TTC28: variants seen among roughly 807,000 people sequenced by gnomAD.
TTC28 encodes the protein tetratricopeptide repeat domain 28.
Under a neutral mutation model 198.0 loss-of-function variants are expected in TTC28, and 61 were observed. The observed-to-expected ratio is 0.31, with a 90% CI of 0.25 to 0.38. TTC28 has a LOEUF of 0.38. Ranked by LOEUF, TTC28 falls within the 10% of genes least tolerant of loss-of-function variation. The pLI, the probability that TTC28 is intolerant of heterozygous loss-of-function variation, is 1.00. For synonymous variants in TTC28, 1,171 were observed against 1,297.8 expected, an observed-to-expected ratio of 0.90 and a Z score of 2.10; for missense variants, 2,678 against 3,164.0, an observed-to-expected ratio of 0.85 and a Z score of 3.69.
intron 13 of TTC28, among the ~76,000 whole-genome samples, chr22:28,019,375 TC>T (rs1207642345): frequency 6.6e-6 from 1 of 152,184 alleles, no homozygotes; most frequent in Non-Finnish European, 1.5e-5. Context: ...TTCCTGTGTC[TC>T]CTCTGTGTGG....
rs765447917 is a variant in TTC28, at chr22:28,632,253, CTTTTTTTTT to C, written c.103-2432_103-2424del. On this transcript the variant is annotated intron_variant, in intron 1 of 22. Transcript: ENST00000397906. ...ATATCAGTGTCCAAGTTATATTCAA[CTTTTTTTTT>C]TTTTTTTTTTTTTTTTTTTTTTGAG... 1.8e-4 allele frequency among the ~76,000 whole-genome samples: 9 copies of C among 49,698 alleles called. No individual in the cohort carries two copies. The East Asian group carries it at 4.3e-3, about 24-fold the overall frequency. 32.6% of individuals were successfully genotyped at this position (49,698 alleles called of 152,430 possible). A position where few individuals can be genotyped will look rare whatever the true frequency, so the allele number is the denominator to read the frequency against.
chr22:28,245,341 A>G (rs751118832), intron 5 of TTC28, among the ~76,000 whole-genome samples: 3 of 152,194 alleles, frequency 2.0e-5, no homozygotes, highest in Non-Finnish European at 4.4e-5. Flanking sequence ...TATTATTAAC[A>G]ATTACAATAA....
intron 6 of TTC28, among the ~76,000 whole-genome samples, chr22:28,108,767 C>T (rs1303692230): frequency 1.3e-5 from 2 of 152,072 alleles, no homozygotes; most frequent in African/African-American, 2.4e-5. Context: ...AATGAAGATC[C>T]CAATTTACTA....
At chr22:28,009,234 T>C (rs1183051050) in intron 14 of TTC28, among the ~76,000 whole-genome samples, 1 of 152,178 alleles carries the variant, frequency 6.6e-6, no homozygotes, top group Non-Finnish European at 1.5e-5. Flanking sequence ...AATCACATAC[T>C]GGTGTAAGGC....
intron 12 of TTC28, among the ~76,000 whole-genome samples, chr22:28,062,970 T>C (rs1446981874): frequency 6.6e-6 from 1 of 152,204 alleles, no homozygotes; most frequent in Non-Finnish European, 1.5e-5. Flanking sequence ...AAATTTGCAG[T>C]GTAACCTGGA....
chr22:28,494,244 T>C (rs1285082044), intron 2 of TTC28, among the ~76,000 whole-genome samples: 1 of 152,218 alleles, frequency 6.6e-6, no homozygotes, highest in Non-Finnish European at 1.5e-5. Flanking sequence ...TGTACTCCAC[T>C]CTTAAATATT....
intron 2 of TTC28, among the ~76,000 whole-genome samples, chr22:28,313,329 AG>A (rs2045298733): frequency 6.6e-6 from 1 of 152,228 alleles, no homozygotes; most frequent in African/African-American, 2.4e-5. Flanking sequence ...TCCAATCAAT[AG>A]AAAAAGAAGG....
chr22:27,995,819 G>C (rs1472811966), intron 17 of TTC28, among the ~76,000 whole-genome samples: 1 of 152,172 alleles, frequency 6.6e-6, no homozygotes. Flanking sequence ...GGGTCCTGGC[G>C]AGTACTGCTA....
chr22:27,981,957 T>TAA lies in TTC28; in HGVS notation c.*262_*263dup. On this transcript the variant is annotated 3_prime_UTR_variant, in exon 23 of 23. Transcript: ENST00000397906. ...AGATGAGAAGCAGGGAGTTCAAAGG[T>TAA]AAACAAACATTTGGTGAAGTGTGTA... 2.5e-6 allele frequency: 1 copy of TAA among 394,766 alleles called. No homozygotes were observed. Among genetic ancestry groups the TAA allele is most frequent in the Non-Finnish European group, 4.5e-6 (1 of 223,766 alleles). 24.5% of individuals were successfully genotyped at this position (394,766 alleles called of 1,614,324 possible).
At chr22:28,110,970 A>G (rs1942464964) in intron 6 of TTC28, among the ~76,000 whole-genome samples, 1 of 151,846 alleles carries the variant, frequency 6.6e-6, no homozygotes, top group African/African-American at 2.4e-5. Context: ...TTATTGACAT[A>G]GGAAGAAATT....
intron 2 of TTC28, among the ~76,000 whole-genome samples, chr22:28,408,624 C>T (rs2047034958): frequency 2.6e-5 from 4 of 152,216 alleles, no homozygotes; most frequent in African/African-American, 9.7e-5. Context: ...CTCCTGACCT[C>T]ATGATCCACC....
At chr22:28,422,723 G>A (rs996866972) in intron 2 of TTC28, among the ~76,000 whole-genome samples, 2 of 152,008 alleles carry the variant, frequency 1.3e-5, no homozygotes, top group African/African-American at 4.8e-5. Context: ...GGGATTACAG[G>A]CGTGAGCCAC....
chr22:28,380,415 CAT>C (rs1201214003), intron 2 of TTC28, among the ~76,000 whole-genome samples: 4 of 152,242 alleles, frequency 2.6e-5, no homozygotes, highest in Admixed American at 6.5e-5. Flanking sequence ...AGCTGTGACA[CAT>C]GTGACAGTGA....
rs1941973244 is a variant in TTC28 at position 28,096,384 on chromosome 22, A to G, written c.3572T>C (p.Val1191Ala). ...TGCCCTTGTCCGTCCCCTTTCTGCC[A>G]CAGCCAGGGCTTCATCATGATGGCC... is the stretch of plus-strand genomic sequence containing the variant. The part of the protein sequence containing the change: ...SLGHHDEALA[V>A]AERGRTRAFA... The change falls in exon 11 of 23, where the codon GTG (valine) becomes GCG (alanine). Residue 1191 changes from valine (V) to alanine (A), a missense_variant. Physicochemically the swap from Val to Ala is moderately conservative, Grantham distance 64 (BLOSUM62 0). This residue lies in a region of TTC28 where 727 missense variants were observed against 861.9 expected (regional missense o/e 0.84). Coordinates refer to ENST00000397906, the MANE Select transcript of TTC28 (RefSeq NM_001145418.2). 9 of 1,551,476 alleles carry G rather than the reference A, an allele frequency of 5.8e-6. No homozygotes were observed. The highest frequency in any genetic ancestry group is 7.0e-6 in the Non-Finnish European group (8 of 1,147,058).
chr22:28,265,869 G>A (rs1254820269), intron 5 of TTC28, among the ~76,000 whole-genome samples: 3 of 152,042 alleles, frequency 2.0e-5, no homozygotes, highest in Non-Finnish European at 4.4e-5. Flanking sequence ...ATATTTCAGG[G>A]ATGGCAATAC....
chr22:28,260,086 G>C (rs957299385), intron 5 of TTC28, among the ~76,000 whole-genome samples: 1 of 152,168 alleles, frequency 6.6e-6, no homozygotes, highest in Non-Finnish European at 1.5e-5. Context: ...GACGGGAACA[G>C]ATGTGAAAGA....
chr22:28,496,878 C>T (rs1040522512), intron 2 of TTC28, among the ~76,000 whole-genome samples: 1 of 152,198 alleles, frequency 6.6e-6, no homozygotes, highest in Admixed American at 6.5e-5. Context: ...TCCTCACTTG[C>T]TCCAGACACA....
intron 1 of TTC28, among the ~76,000 whole-genome samples, chr22:28,644,224 A>C (rs1232818001): frequency 2.6e-5 from 4 of 151,636 alleles, no homozygotes; most frequent in African/African-American, 7.3e-5. Flanking sequence ...ACGGTGAAAC[A>C]CTGACTCTAC....
chr22:28,152,930 AT>A (rs1943644349), intron 6 of TTC28, among the ~76,000 whole-genome samples: 1 of 152,110 alleles, frequency 6.6e-6, no homozygotes, highest in South Asian at 2.1e-4. Context: ...TACAAAAGTA[AT>A]TTTTTAAAAA....
Sources: gnomAD v4.1 joint callset for allele counts (sites outside exome capture counted in the v4.1 genomes callset) on GRCh38, gnomAD v4.1.1 for gene constraint, gnomAD v4.1.1 regional missense constraint, MANE v1.5 for transcripts, NCBI Gene and HGNC (gene_info 2026-07-23, HGNC 2026-07-21) for gene names.